The following MNAT1 variants were observed in gnomAD, a reference collection of about 807,000 sequenced individuals.
MNAT1 encodes MNAT1 component of CDK activating kinase, also known as CDK-activating kinase assembly factor MAT1.
MNAT1 carries 43 observed loss-of-function variants against 42.0 expected under a neutral mutation model. The ratio of observed to expected loss-of-function variants is 1.02; its 90% CI spans 0.80 to 1.32. The LOEUF is 1.32. Ranked by LOEUF, MNAT1 falls within the 40% of genes most tolerant of loss-of-function variation. MNAT1 has a pLI of 0.00. For missense variants in MNAT1, 306 were observed against 350.4 expected (o/e 0.87, Z 1.01); for synonymous variants, 118 against 120.0 (o/e 0.98, Z 0.11).
chr14:60,943,972 G>A (rs1274191033), intron 7 of MNAT1, among the ~76,000 whole-genome samples: 1 of 152,162 alleles, frequency 6.6e-6, no homozygotes, highest in Non-Finnish European at 1.5e-5. Context: ...TATATAGGAT[G>A]AACAAATTAT....
At chr14:60,955,797 T>G (rs2036477786) in intron 7 of MNAT1, among the ~76,000 whole-genome samples, 1 of 152,238 alleles carries the variant, frequency 6.6e-6, no homozygotes, top group African/African-American at 2.4e-5. Context: ...GTTCTCCAAT[T>G]TATTGGTGTA....
At chr14:60,923,229 A>T (rs538496575) in intron 7 of MNAT1, among the ~76,000 whole-genome samples, 4 of 152,294 alleles carry the variant, frequency 2.6e-5, no homozygotes, top group South Asian at 4.1e-4. Flanking sequence ...TAAAACAAAG[A>T]TTGCTGGGCC....
intron 7 of MNAT1, among the ~76,000 whole-genome samples, chr14:60,943,512 T>A (rs1481799252): frequency 2.0e-5 from 3 of 152,198 alleles, no homozygotes; most frequent in Admixed American, 2.0e-4. Context: ...CTGGCTAATC[T>A]TTCAACTGTT....
intron 6 of MNAT1, among the ~76,000 whole-genome samples, chr14:60,834,080 G>C (rs1374197761): frequency 6.6e-6 from 1 of 151,984 alleles, no homozygotes; most frequent in African/African-American, 2.4e-5. Flanking sequence ...TATTAGTCTG[G>C]ATAATGGTCT....
intron 1 of MNAT1, among the ~76,000 whole-genome samples, chr14:60,761,286 G>A (rs2030589025): frequency 6.6e-6 from 1 of 152,058 alleles, no homozygotes; most frequent in Non-Finnish European, 1.5e-5. Context: ...TAGTCATCTG[G>A]GGTCACCAAT....
chr14:60,958,664 T>G (rs1303248290), intron 7 of MNAT1, among the ~76,000 whole-genome samples: 1 of 113,150 alleles, frequency 8.8e-6, no homozygotes, highest in Non-Finnish European at 1.7e-5. Context: ...TGAGACAGAG[T>G]CTCGCTCTGT....
chr14:60,840,759 G>A (rs532152170), intron 6 of MNAT1, among the ~76,000 whole-genome samples: 1 of 152,178 alleles, frequency 6.6e-6, no homozygotes, highest in African/African-American at 2.4e-5. Flanking sequence ...TGCCTCCTGG[G>A]TTCAAGCGAT....
chr14:60,844,039 A>T (rs953342738), intron 6 of MNAT1, among the ~76,000 whole-genome samples: 1 of 152,114 alleles, frequency 6.6e-6, no homozygotes, highest in African/African-American at 2.4e-5. Flanking sequence ...ACTTTTCTTC[A>T]TTGGATTGCT....
chr14:60,851,146 C>T (rs1177981347), intron 6 of MNAT1, among the ~76,000 whole-genome samples: 2 of 152,116 alleles, frequency 1.3e-5, no homozygotes, highest in Non-Finnish European at 2.9e-5. Flanking sequence ...AGTAGAATTA[C>T]TGGGAGCAGT....
At chr14:60,804,524 AT>A (rs1274236793) in intron 3 of MNAT1, among the ~76,000 whole-genome samples, 7 of 151,678 alleles carry the variant, frequency 4.6e-5, no homozygotes, top group Admixed American at 6.6e-5. Flanking sequence ...TTAAATTTTT[AT>A]TTATTCATTT....
chr14:60,841,603 C>T (rs2033555291), intron 6 of MNAT1, among the ~76,000 whole-genome samples: 1 of 152,132 alleles, frequency 6.6e-6, no homozygotes, highest in South Asian at 2.1e-4. Flanking sequence ...TTTCACATTT[C>T]TGTCCTTTCT....
intron 1 of MNAT1, among the ~76,000 whole-genome samples, chr14:60,741,657 G>GTTTT (rs1566747118): frequency 8.6e-4 from 18 of 20,878 alleles, no homozygotes; most frequent in African/African-American, 1.3e-3. Context: ...CTGCGCCTGG[G>GTTTT]GTTTTTTTTT....
intron 6 of MNAT1, among the ~76,000 whole-genome samples, chr14:60,828,483 TC>T (rs2033118860): frequency 6.6e-6 from 1 of 152,094 alleles, no homozygotes. Flanking sequence ...CAACTCATTT[TC>T]CCCTGCTGCA....
rs781290367 is a variant in MNAT1, at chr14:60,796,371, T to C, written c.242+2T>C. 5.0e-6 allele frequency: 8 copies of C among 1,608,838 alleles called. No homozygotes were observed. Among genetic ancestry groups the C allele is most frequent in the Non-Finnish European group, 8.5e-7 (1 of 1,177,490 alleles). On this transcript the variant is annotated splice_donor_variant, in intron 2 of 7. Coordinates refer to ENST00000261245, the MANE Select transcript of MNAT1 (RefSeq NM_002431.4). LOFTEE classifies it high-confidence loss of function. ...GATCAGGAAAAAAGTGCTAAAGATG[T>C]AAGTATTCCTGCTCGAATGATTCAG... is the stretch of plus-strand genomic sequence containing the variant.
intron 6 of MNAT1, among the ~76,000 whole-genome samples, chr14:60,862,101 C>G (rs1305144438): frequency 6.6e-6 from 1 of 152,108 alleles, no homozygotes; most frequent in Non-Finnish European, 1.5e-5. Context: ...TTTTTGTAAC[C>G]TACCGTTTAA....
intron 1 of MNAT1, among the ~76,000 whole-genome samples, chr14:60,765,906 T>TTAGA (rs1213747907): frequency 6.6e-6 from 1 of 152,144 alleles, no homozygotes; most frequent in African/African-American, 2.4e-5. Context: ...ACCTATAATC[T>TTAGA]TAGAAATATA....
chr14:60,799,693 T>TAA (rs199618525), intron 3 of MNAT1, among the ~76,000 whole-genome samples: 162 of 149,502 alleles, frequency 1.1e-3, no homozygotes, highest in African/African-American at 2.1e-3. Context: ...GAGCTATGAT[T>TAA]AAAAAAATAT....
intron 1 of MNAT1, among the ~76,000 whole-genome samples, chr14:60,746,951 C>T (rs1449972508): frequency 0.15 from 7,341 of 47,994 alleles, 1,564 homozygotes; most frequent in Non-Finnish European, 0.25. Context: ...CACACACACA[C>T]ACACACACAC....
At chr14:60,761,164 C>T (rs1383054071) in intron 1 of MNAT1, among the ~76,000 whole-genome samples, 2 of 152,060 alleles carry the variant, frequency 1.3e-5, no homozygotes, top group Non-Finnish European at 2.9e-5. Flanking sequence ...GCAACGTGTA[C>T]TGGCTTGTGG....
Sources: allele counts gnomAD v4.1 joint callset (sites outside exome capture counted in the v4.1 genomes callset), GRCh38; gene constraint gnomAD v4.1.1; transcripts MANE v1.5; gene names NCBI Gene and HGNC (gene_info 2026-07-23, HGNC 2026-07-21).